NRIP1: variants seen among roughly 807,000 people sequenced by gnomAD.
NRIP1 encodes nuclear receptor-interacting protein 1.
Under a neutral mutation model 75.0 loss-of-function variants are expected in NRIP1, and 28 were observed. That is an observed-to-expected ratio of 0.37 (90% CI 0.28 to 0.51). NRIP1 has a LOEUF of 0.51. NRIP1 is among the 20% of genes least tolerant of loss of function. The pLI is 0.92. For missense variants in NRIP1, 1,435 were observed against 1,343.7 expected (o/e 1.07, Z -1.06); for synonymous variants, 526 against 487.6 (o/e 1.08, Z -1.04).
Position 14,965,027 on chromosome 21 carries a change from T to G in NRIP1, c.3166A>C (p.Lys1056Gln), listed in dbSNP as rs763674809. ...GTTTTGGTCAATCTTGGAGAGTCTT[T>G]TTCATACTCATTCTTCTCCGCATCA... ...ITDAEKNEYE[K>Q]DSPRLTKTNP... The change falls in exon 4 of 4, where the codon AAA becomes CAA. Residue 1056 changes from lysine (K) to glutamine (Q), a missense_variant. Physicochemically the swap from Lys to Gln is moderately conservative, Grantham distance 53. Transcript: ENST00000318948. 9.9e-6 allele frequency: 16 copies of G among 1,613,890 alleles called. No homozygotes were observed. Among genetic ancestry groups the G allele is most frequent in the Middle Eastern group, 1.6e-4 (1 of 6,082 alleles).
chr21:14,965,586 T>TAA lies in NRIP1; in HGVS notation c.2606_2607insTT (p.Phe870TyrfsTer5). 6.2e-7 allele frequency: 1 copy of TAA among 1,614,038 alleles called. No individual in the cohort carries two copies. Among genetic ancestry groups the TAA allele is most frequent in the Non-Finnish European group, 8.5e-7 (1 of 1,179,950 alleles). On this transcript the variant is annotated frameshift_variant, in exon 4 of 4. Coordinates refer to ENST00000318948, the MANE Select transcript of NRIP1 (RefSeq NM_003489.4). LOFTEE classifies it high-confidence loss of function. ...CAATGTTGTTTTTCATCTTTTTAAA[T>TAA]GGATTTTCTAATGGCTCAGTATAAA...
chr21:15,043,004 T>A (rs1254344280), intron 2 of NRIP1, among the ~76,000 whole-genome samples: 1 of 152,172 alleles, frequency 6.6e-6, no homozygotes, highest in East Asian at 1.9e-4. Context: ...AAATGGATGT[T>A]CGGAGGCAAA....
chr21:15,013,252 A>G (rs1477264906), intron 3 of NRIP1, among the ~76,000 whole-genome samples: 1 of 152,246 alleles, frequency 6.6e-6, no homozygotes, highest in African/African-American at 2.4e-5. Context: ...TAACATTTTA[A>G]AGATTTTCTT....
intron 2 of NRIP1, among the ~76,000 whole-genome samples, chr21:15,035,852 C>T (rs1034437753): frequency 3.3e-5 from 5 of 152,066 alleles, no homozygotes; most frequent in Non-Finnish European, 7.4e-5. Context: ...ATGTATATGA[C>T]TTTCTAACAA....
chr21:14,993,301 T>C (rs1301747128), intron 3 of NRIP1, among the ~76,000 whole-genome samples: 2 of 151,936 alleles, frequency 1.3e-5, no homozygotes, highest in Non-Finnish European at 2.9e-5. Context: ...TTTTACTGTA[T>C]TGGTTACTCA....
Position 14,965,110 on chromosome 21 carries a change from C to T in NRIP1, c.3083G>A (p.Gly1028Glu), listed in dbSNP as rs1340028978. The change falls in exon 4 of 4, where the codon GGG becomes GAG. Residue 1028 changes from glycine to glutamate, a missense_variant. Physicochemically the swap from Gly to Glu is moderately conservative, Grantham distance 98. Transcript: ENST00000318948. The part of the protein sequence containing the change: ...LGCAGSRPES[G>E]LLNGCSMPSE... ...GGGCATGGAACACCCATTCAAAAGC[C>T]CAGATTCTGGTCTAGACCCTGCACA... 1 of 1,613,152 alleles carries T rather than the reference C, an allele frequency of 6.2e-7. No homozygotes were observed. The highest frequency in any genetic ancestry group is 1.7e-4 in the Middle Eastern group (1 of 6,052).
At chr21:15,039,486 C>T (rs1468594822) in intron 2 of NRIP1, among the ~76,000 whole-genome samples, 1 of 152,104 alleles carries the variant, frequency 6.6e-6, no homozygotes, top group East Asian at 1.9e-4. Flanking sequence ...ATCAAACCCA[C>T]ATTAATGTGA....
chr21:15,023,193 T>G (rs576484025), intron 2 of NRIP1, among the ~76,000 whole-genome samples: 142 of 152,120 alleles, frequency 9.3e-4, no homozygotes, highest in African/African-American at 3.4e-3. Flanking sequence ...ACTGAACACT[T>G]TAAACAGGTG....
intron 1 of NRIP1, among the ~76,000 whole-genome samples, chr21:15,059,450 T>A (rs1195327699): frequency 1.3e-5 from 2 of 152,156 alleles, no homozygotes; most frequent in Non-Finnish European, 2.9e-5. Context: ...ATAATTCTAT[T>A]ATCAAGTTTT....
At chr21:14,968,661 T>C (rs1001964301) in intron 3 of NRIP1, 135 bp from the exon 4 acceptor site, 15 of 152,846 alleles carry the variant, frequency 9.8e-5, no homozygotes, top group African/African-American at 3.6e-4. Flanking sequence ...AAATGGATTA[T>C]AGTCACTTTA....
At chr21:15,001,987 A>G (rs923451308) in intron 3 of NRIP1, among the ~76,000 whole-genome samples, 5 of 152,130 alleles carry the variant, frequency 3.3e-5, no homozygotes, top group South Asian at 4.1e-4. Context: ...GCTTTCAGTA[A>G]AATTATCTTA....
intron 3 of NRIP1, among the ~76,000 whole-genome samples, chr21:14,997,571 G>A (rs533818529): frequency 1.5e-3 from 223 of 151,790 alleles, no homozygotes; most frequent in African/African-American, 4.8e-3. Context: ...TAGTCAAGTC[G>A]TCTGTTATTA....
intron 2 of NRIP1, among the ~76,000 whole-genome samples, chr21:15,027,795 T>C (rs1269339238): frequency 2.0e-5 from 3 of 152,212 alleles, no homozygotes; most frequent in Non-Finnish European, 4.4e-5. Flanking sequence ...AACGGGCTTT[T>C]TTCTCTCTAC....
chr21:14,979,866 TTTTA>T (rs1017528889), intron 3 of NRIP1, among the ~76,000 whole-genome samples: 21 of 147,406 alleles, frequency 1.4e-4, no homozygotes, highest in Admixed American at 4.8e-4. Context: ...ATGCTTGCAC[TTTTA>T]TTTGTTTGCT....
intron 3 of NRIP1, among the ~76,000 whole-genome samples, chr21:14,989,166 C>T (rs1049726403): frequency 2.0e-5 from 3 of 152,192 alleles, no homozygotes; most frequent in African/African-American, 4.8e-5. Context: ...ACATTTTAAT[C>T]CATGGTCCTG....
rs777429227 is a variant in NRIP1 at position 14,966,385 on chromosome 21, G to A, written c.1808C>T (p.Thr603Ile). The A allele has an allele frequency of 6.2e-7, 1 of 1,614,004 alleles. No individual in the cohort carries two copies. Among genetic ancestry groups the A allele is most frequent in the South Asian group, 1.1e-5 (1 of 91,072 alleles). ...CTCTCCTGGTGGGTCTTTGCTTTTT[G>A]TAAGGTCCATTGAGTGGTTAGATGC... ...NTASNHSMDL[T>I]KSKDPPGEKP... Residue 603 changes from threonine to isoleucine, a missense_variant, in exon 4 of 4, where the codon ACA becomes ATA. By Grantham distance (89) the Thr-to-Ile change is moderately conservative. Transcript: ENST00000318948.
chr21:14,971,218 T>C (rs1361166551), intron 3 of NRIP1, among the ~76,000 whole-genome samples: 1 of 152,156 alleles, frequency 6.6e-6, no homozygotes, highest in African/African-American at 2.4e-5. Flanking sequence ...TGCAACACAG[T>C]CAACAGATAA....
intron 3 of NRIP1, among the ~76,000 whole-genome samples, chr21:15,011,759 T>C (rs2088109820): frequency 6.6e-6 from 1 of 152,156 alleles, no homozygotes; most frequent in African/African-American, 2.4e-5. Flanking sequence ...GTATCAGCAA[T>C]TTTATCAAAA....
chr21:14,980,992 A>C lies in NRIP1; in HGVS notation c.-334-12466T>G, dbSNP rs929592029. The stretch of plus-strand genomic sequence containing the variant: ...TCCAAACACAAAGATATCTAGATAG[A>C]AGTTTCCAGTCAAGCTGTGGAAGAG... On this transcript the variant is annotated intron_variant, in intron 3 of 3. Transcript: ENST00000318948. Among the ~76,000 whole-genome samples the C allele has an allele frequency of 2.6e-5, 4 of 152,220 alleles. No individual in the cohort carries two copies. In the East Asian group the frequency reaches 7.7e-4, roughly 29 times the overall value.
Sources: gnomAD v4.1 joint callset for allele counts (sites outside exome capture counted in the v4.1 genomes callset) on GRCh38, gnomAD v4.1.1 for gene constraint, MANE v1.5 for transcripts, NCBI Gene and HGNC (gene_info 2026-07-23, HGNC 2026-07-21) for gene names.